PTGER4: variants seen among roughly 807,000 people sequenced by gnomAD.
PTGER4 encodes prostaglandin E2 receptor EP4 subtype.
PTGER4 carries 11 observed loss-of-function variants against 33.2 expected under a neutral mutation model. The observed-to-expected ratio is 0.33, with a 90% CI of 0.21 to 0.55. PTGER4 has a LOEUF of 0.55. Among genes scored for constraint, PTGER4 ranks in the 20% least tolerant of loss-of-function variants. The pLI is 0.92. For synonymous variants in PTGER4, 275 were observed against 281.5 expected (o/e 0.98, Z 0.23); for missense variants, 481 against 650.2 (o/e 0.74, Z 2.83).
the PTGER4 span, among the ~76,000 whole-genome samples, chr5:40,731,292 T>C: frequency 1.3e-5 from 2 of 152,318 alleles, no homozygotes; most frequent in Admixed American, 6.5e-5. Context: ...CACATACCTG[T>C]GCTCCACTCA....
chr5:40,745,336 A>C, the PTGER4 span, among the ~76,000 whole-genome samples: 1 of 152,156 alleles, frequency 6.6e-6, no homozygotes, highest in Non-Finnish European at 1.5e-5. Flanking sequence ...CTTAGAAAAA[A>C]CATGAGGAAT....
At chr5:40,697,003 A>AGG (rs1660643015), downstream of PTGER4, among the ~76,000 whole-genome samples, 1 of 148,608 alleles carries the variant, frequency 6.7e-6, no homozygotes, top group South Asian at 2.1e-4. Flanking sequence ...AGAAAGGGAA[A>AGG]GAAAGAGAGA....
the PTGER4 span, among the ~76,000 whole-genome samples, chr5:40,736,562 A>G: frequency 6.6e-6 from 1 of 152,234 alleles, no homozygotes; most frequent in Non-Finnish European, 1.5e-5. Context: ...CCTAGTTTGT[A>G]ATAATTCTAG....
the PTGER4 span, among the ~76,000 whole-genome samples, chr5:40,718,016 C>A: frequency 6.7e-6 from 1 of 150,140 alleles, no homozygotes; most frequent in Non-Finnish European, 1.5e-5. Context: ...GAGCCAAGAT[C>A]GCACAATTAT....
In PTGER4 at chr5:40,681,064, C is replaced by G; in HGVS notation, c.71C>G (p.Pro24Arg). Residue 24 changes from proline (P) to arginine (R), a missense_variant, in exon 2 of 3, where the codon CCG (proline) becomes CGG (arginine). By Grantham distance (103) the Pro-to-Arg change is moderately radical. Transcript: ENST00000302472. The surrounding 1 kb of genome is among the most constrained non-coding windows in gnomAD (Gnocchi z 9.8). ...PDRLNSPVTI[P>R]AVMFIFGVVG... Reference sequence around the variant, plus strand: ...CGGCTGAACAGCCCAGTGACCATCCCGGCGGTGATGTTCATCTTCGGGGTG... The same window carrying G: ...CGGCTGAACAGCCCAGTGACCATCCGGGCGGTGATGTTCATCTTCGGGGTG... 6.2e-7 allele frequency: 1 copy of G among 1,614,080 alleles called. No individual in the cohort carries two copies.
chr5:40,688,332 A>T (rs1034330628), intron 2 of PTGER4, among the ~76,000 whole-genome samples: 9 of 152,162 alleles, frequency 5.9e-5, no homozygotes, highest in Non-Finnish European at 1.0e-4. Flanking sequence ...CAACACTGCC[A>T]CCTGGAGGCT....
At position 40,683,342 on chromosome 5, in the gene PTGER4, G is replaced by T. The variant is rs1262955036; in HGVS notation, c.867+1482G>T. Among the ~76,000 whole-genome samples, 1 of 152,056 alleles carries T rather than the reference G, an allele frequency of 6.6e-6. No homozygotes were observed. Among genetic ancestry groups the T allele is most frequent in the African/African-American group, 2.4e-5 (1 of 41,374 alleles). On this transcript the variant is annotated intron_variant, in intron 2 of 2. Transcript: ENST00000302472. The surrounding 1 kb of genome is among the most constrained non-coding windows in gnomAD (Gnocchi z 4.2). ...GTATAAACAGAAGTAAATATAATAG[G>T]CCATAAGAGCCTTTAAGCCATTCCA...
chr5:40,731,771 C>T, the PTGER4 span, among the ~76,000 whole-genome samples: 1 of 152,142 alleles, frequency 6.6e-6, no homozygotes, highest in African/African-American at 2.4e-5. Context: ...CTTCCTACTC[C>T]TCTTCATCTA....
chr5:40,729,353 C>T, the PTGER4 span, among the ~76,000 whole-genome samples: 2 of 152,152 alleles, frequency 1.3e-5, no homozygotes, highest in African/African-American at 2.4e-5. Flanking sequence ...GGCTGAATTG[C>T]AACAATTCCC....
the PTGER4 span, among the ~76,000 whole-genome samples, chr5:40,724,846 C>A: frequency 1.4e-5 from 2 of 143,492 alleles, no homozygotes; most frequent in East Asian, 4.0e-4. Flanking sequence ...TAAAAATTTA[C>A]AAGTGGATTT....
chr5:40,731,005 C>T, the PTGER4 span, among the ~76,000 whole-genome samples: 7 of 152,214 alleles, frequency 4.6e-5, no homozygotes, highest in South Asian at 1.0e-3. Context: ...GTAACTATAT[C>T]ACCTAAAAAG....
chr5:40,713,140 A>G, the PTGER4 span, among the ~76,000 whole-genome samples: 1 of 152,156 alleles, frequency 6.6e-6, no homozygotes, highest in East Asian at 1.9e-4. Context: ...ATTTGAAGAT[A>G]ATTATTATGG....
downstream of PTGER4, among the ~76,000 whole-genome samples, chr5:40,698,114 A>AAAAAAAAAAAAAAAAT (rs1741655429): frequency 7.7e-6 from 1 of 130,368 alleles, no homozygotes; most frequent in Non-Finnish European, 1.7e-5. Flanking sequence ...AAAAAAAAAA[A>AAAAAAAAAAAAAAAAT]AAAAACCATG....
At chr5:40,714,010 T>G in the PTGER4 span, among the ~76,000 whole-genome samples, 1 of 152,202 alleles carries the variant, frequency 6.6e-6, no homozygotes, top group Non-Finnish European at 1.5e-5. Flanking sequence ...CTGTCTTATG[T>G]CTAAACTATT....
At chr5:40,728,560 A>G in the PTGER4 span, 7 of 1,312,818 alleles carry the variant, frequency 5.3e-6, no homozygotes, top group Non-Finnish European at 6.1e-6. Flanking sequence ...ATTTTTTAAG[A>G]TATATTTTTA....
chr5:40,714,574 A>G, the PTGER4 span: 1 of 152,212 alleles, frequency 6.6e-6, no homozygotes, highest in African/African-American at 2.4e-5. Flanking sequence ...CTAGATACCT[A>G]TTTACGTTTT....
At chr5:40,693,752 T>C (rs1046065729), downstream of PTGER4, 17 of 971,772 alleles carry the variant, frequency 1.7e-5, no homozygotes, top group Non-Finnish European at 1.7e-5. Context: ...TTGCATATCC[T>C]CAGTTTGGGA....
chr5:40,696,236 A>T (rs1415932138), downstream of PTGER4, among the ~76,000 whole-genome samples: 1 of 152,180 alleles, frequency 6.6e-6, no homozygotes, highest in Non-Finnish European at 1.5e-5. Flanking sequence ...ACTGTTAGCT[A>T]TCCATATGGC....
downstream of PTGER4, among the ~76,000 whole-genome samples, chr5:40,697,226 A>AAAAGAAAGAAAG (rs70988803): frequency 0.022 from 2,525 of 112,410 alleles, 74 homozygotes; most frequent in East Asian, 0.028. Context: ...AAGAAAGAAG[A>AAAAGAAAGAAAG]AAAGAAAGAA....
Sources: gnomAD v4.1 joint callset for allele counts (sites outside exome capture counted in the v4.1 genomes callset) on GRCh38, gnomAD v4.1.1 for gene constraint, Gnocchi (gnomAD v3.1) non-coding constraint, MANE v1.5 for transcripts, NCBI Gene and HGNC (gene_info 2026-07-23, HGNC 2026-07-21) for gene names.